Variants in YJU2B observed in about 807,000 individuals in gnomAD.
YJU2B encodes probable splicing factor YJU2B.
A neutral mutation model predicts 38.0 loss-of-function variants in YJU2B; 18 were observed. The observed-to-expected ratio is 0.47, with a 90% CI of 0.33 to 0.70. The LOEUF (loss-of-function observed/expected upper bound fraction) is 0.70, where lower values mean the gene tolerates loss of function less well. Among genes scored for constraint, YJU2B ranks in the 30% least tolerant of loss-of-function variants. The pLI is 0.02. For missense variants in YJU2B, 538 were observed against 556.3 expected, an observed-to-expected ratio of 0.97 and a Z score of 0.33; for synonymous variants, 246 against 225.4, an observed-to-expected ratio of 1.09 and a Z score of -0.82.
chr19:13,757,923 C>T (rs186051159), intron 6 of YJU2B, 77 bp downstream of exon 6: 39 of 1,280,026 alleles, frequency 3.0e-5, no homozygotes, highest in African/African-American at 5.8e-5. Flanking sequence ...GCCTGAGTTG[C>T]GGGGGGAACC....
chr19:13,745,055 A>C (rs1294562776), upstream of YJU2B, among the ~76,000 whole-genome samples: 1 of 152,136 alleles, frequency 6.6e-6, no homozygotes, highest in Non-Finnish European at 1.5e-5. Flanking sequence ...CATACAACCC[A>C]AAACAGTATA....
intron 1 of YJU2B, among the ~76,000 whole-genome samples, chr19:13,749,601 GTC>G (rs1031183607): frequency 2.0e-5 from 3 of 150,800 alleles, no homozygotes; most frequent in African/African-American, 7.3e-5. Context: ...GCTTCACAGA[GTC>G]TCTCTTTAGT....
At chr19:13,738,570 C>T (rs1317872160) in intron 2 of YJU2B, among the ~76,000 whole-genome samples, 1 of 152,056 alleles carries the variant, frequency 6.6e-6, no homozygotes. Context: ...ACCAGCCTGG[C>T]CAACACGGTG....
chr19:13,745,326 G>A (rs1005047885), upstream of YJU2B, among the ~76,000 whole-genome samples: 1 of 152,052 alleles, frequency 6.6e-6, no homozygotes, highest in Non-Finnish European at 1.5e-5. Context: ...TTTGTTAGTA[G>A]AGCCCGGCTT....
At chr19:13,743,789 A>G (rs1226425887), upstream of YJU2B, among the ~76,000 whole-genome samples, 1 of 151,274 alleles carries the variant, frequency 6.6e-6, no homozygotes, top group East Asian at 1.9e-4. Flanking sequence ...GCTACTCGGG[A>G]GGCTGAGGCA....
At position 13,762,769 on chromosome 19, in the gene YJU2B, C is replaced by G. The variant is rs771419249; in HGVS notation, c.892C>G (p.Arg298Gly). The G allele has an allele frequency of 1.0e-5, 16 of 1,605,216 alleles. No individual in the cohort carries two copies. Among genetic ancestry groups the G allele is most frequent in the Non-Finnish European group, 1.4e-5 (16 of 1,177,270 alleles). The change falls in exon 10 of 10, where the codon CGG becomes GGG. Residue 298 changes from arginine (R) to glycine (G), a missense_variant. This residue lies in a region of YJU2B where 488 missense variants were observed against 469.5 expected (regional missense o/e 1.04). Coordinates refer to ENST00000221554, the MANE Select transcript of YJU2B (RefSeq NM_030818.4). Reference sequence around the variant, plus strand: ...CGTCGGGGACCTGGGCATCGTGCGGCGGAGGTCTCGGGACGTCCCGGAGAG... The same window carrying G: ...CGTCGGGGACCTGGGCATCGTGCGGGGGAGGTCTCGGGACGTCCCGGAGAG... ...ITVGDLGIVR[R>G]RSRDVPESPQ...
Position 13,758,904 on chromosome 19 carries a change from C to T in YJU2B, c.294C>T (p.Ile98=), listed in dbSNP as rs547101000. ...RMKCHLCVNY[I]EMQTDPANCD... ...AATGCCACCTCTGTGTCAACTACAT[C>T]GAGATGCAGACGGACCCCGCCAACT... The change falls in exon 7 of 10, where the codon ATC becomes ATT. Residue 98 remains isoleucine (I), a synonymous_variant. Coordinates refer to ENST00000221554, the MANE Select transcript of YJU2B (RefSeq NM_030818.4). The T allele has an allele frequency of 5.1e-5, 83 of 1,613,898 alleles. No homozygotes were observed. The highest frequency in any genetic ancestry group is 2.5e-4 in the East Asian group (11 of 44,888).
chr19:13,750,146 CAT>C (rs1309745581), intron 1 of YJU2B, among the ~76,000 whole-genome samples: 2 of 152,176 alleles, frequency 1.3e-5, no homozygotes, highest in Non-Finnish European at 2.9e-5. Context: ...CCGGGGGAGA[CAT>C]AAACCGACAC....
At chr19:13,733,100 T>C (rs1028401817) in intron 2 of YJU2B, among the ~76,000 whole-genome samples, 1 of 151,506 alleles carries the variant, frequency 6.6e-6, no homozygotes, top group African/African-American at 2.4e-5. Context: ...CGGCTAATTT[T>C]TTGTATATTT....
chr19:13,761,030 A>C (rs1973867475), intron 8 of YJU2B, among the ~76,000 whole-genome samples: 1 of 151,876 alleles, frequency 6.6e-6, no homozygotes, highest in African/African-American at 2.4e-5. Flanking sequence ...CAACCTCCCA[A>C]AGTGCTAGGA....
At chr19:13,762,277 G>A in intron 8 of YJU2B, 22 bp from the exon 9 acceptor site, 5 of 1,611,538 alleles carry the variant, frequency 3.1e-6, no homozygotes, top group Non-Finnish European at 4.2e-6. Context: ...CCTATCTCTG[G>A]TGTTCTTGGC....
intron 8 of YJU2B, chr19:13,761,392 T>C (rs1368008150): frequency 2.0e-5 from 3 of 152,166 alleles, no homozygotes; most frequent in East Asian, 1.9e-4. Context: ...CAAAAAAATA[T>C]AGAATTAAAC....
chr19:13,745,682 G>GATAGAT (rs1555699804), upstream of YJU2B, among the ~76,000 whole-genome samples: 2,151 of 43,828 alleles, frequency 0.049, 25 homozygotes, highest in Middle Eastern at 0.078. Context: ...TAGATAGATA[G>GATAGAT]ATAGATAGAT....
intron 2 of YJU2B, among the ~76,000 whole-genome samples, chr19:13,753,617 T>C (rs912190239): frequency 1.5e-5 from 2 of 135,132 alleles, no homozygotes; most frequent in Non-Finnish European, 3.1e-5. Context: ...CAAGCCTGGG[T>C]AATTTATAAA....
chr19:13,732,667 T>C (rs1212383056), intron 2 of YJU2B: 1 of 142,592 alleles, frequency 7.0e-6, no homozygotes, highest in African/African-American at 2.6e-5. Flanking sequence ...TGGAGTACAG[T>C]GGCACGATCT....
At chr19:13,749,883 T>A (rs1219349583) in intron 1 of YJU2B, among the ~76,000 whole-genome samples, 1 of 152,152 alleles carries the variant, frequency 6.6e-6, no homozygotes, top group Non-Finnish European at 1.5e-5. Context: ...TCCACCCGCC[T>A]CGGCCTCCCA....
At chr19:13,745,297 A>C (rs1973200729), upstream of YJU2B, among the ~76,000 whole-genome samples, 1 of 152,168 alleles carries the variant, frequency 6.6e-6, no homozygotes, top group Admixed American at 6.6e-5. Context: ...ATGCAGCACC[A>C]TGACTATGTA....
intron 5 of YJU2B, 78 bp from the exon 6 acceptor site, chr19:13,757,708 C>T: frequency 7.1e-7 from 1 of 1,409,826 alleles, no homozygotes; most frequent in Non-Finnish European, 1.0e-6. Context: ...TGACAGTGAG[C>T]CTCTTTGTAC....
intron 2 of YJU2B, among the ~76,000 whole-genome samples, chr19:13,741,038 AC>A (rs2145092584): frequency 6.6e-6 from 1 of 152,210 alleles, no homozygotes; most frequent in South Asian, 2.1e-4. Context: ...GTAATTTGTT[AC>A]GCAACCAGAG....
Sources: allele counts gnomAD v4.1 joint callset (sites outside exome capture counted in the v4.1 genomes callset), GRCh38; gene constraint gnomAD v4.1.1; regional missense constraint gnomAD v4.1.1; transcripts MANE v1.5; gene names NCBI Gene and HGNC (gene_info 2026-07-23, HGNC 2026-07-21).